Variants in GALC observed in about 807,000 individuals in gnomAD.
GALC encodes galactosylceramidase, also known as galactocerebrosidase.
In GALC, 77 loss-of-function variants were observed where a neutral mutation model predicts 91.8. The observed-to-expected ratio is 0.84, with a 90% confidence interval of 0.70 to 1.01. The LOEUF (loss-of-function observed/expected upper bound fraction) is 1.01, where lower values mean the gene tolerates loss of function less well. Among genes scored for constraint, GALC ranks in the 50% least tolerant of loss-of-function variants. The probability of loss-of-function intolerance (pLI) is 0.00; values close to 1 mark genes in which losing one functional copy is unlikely to be tolerated. For synonymous variants in GALC, 357 were observed against 306.7 expected (o/e 1.16, Z -1.71); for missense variants, 882 against 855.9 (o/e 1.03, Z -0.38).
intron 14 of GALC, among the ~76,000 whole-genome samples, chr14:87,941,915 C>T (rs553916263): frequency 6.6e-6 from 1 of 151,934 alleles, no homozygotes; most frequent in African/African-American, 2.4e-5. Flanking sequence ...TAAAAAGTTC[C>T]ACACAATTCT....
At position 87,934,306 on chromosome 14, in the gene GALC, G is replaced by A; in HGVS notation, c.*426C>T. On this transcript the variant is annotated 3_prime_UTR_variant, in exon 17 of 17. Transcript: ENST00000261304. Reference sequence around the variant, plus strand: ...CTTTCTATTATGGCAGCATCATCTTGTGATGAAGACACTGGCTCACTTGGA... The same window carrying A: ...CTTTCTATTATGGCAGCATCATCTTATGATGAAGACACTGGCTCACTTGGA... 7.8e-7 allele frequency: 1 copy of A among 1,286,962 alleles called. No homozygotes were observed. Among genetic ancestry groups the A allele is most frequent in the Non-Finnish European group, 9.9e-7 (1 of 1,011,354 alleles). The allele number at this position is 1,286,962 out of a possible 1,614,324, so 79.7% of individuals were successfully genotyped here.
chr14:87,941,216 G>C (rs973777568), intron 15 of GALC, among the ~76,000 whole-genome samples, 179 bp downstream of exon 15: 1 of 151,794 alleles, frequency 6.6e-6, no homozygotes. Context: ...CCCATCTCTA[G>C]GAATTAAATA....
intron 10 of GALC, among the ~76,000 whole-genome samples, chr14:87,956,986 G>A (rs1299709061): frequency 6.6e-6 from 1 of 151,736 alleles, no homozygotes; most frequent in African/African-American, 2.4e-5. Flanking sequence ...ATCTCGTTGT[G>A]GTTCTAATTT....
At chr14:87,953,440 T>C (rs1885392683) in intron 10 of GALC, 2 of 1,529,898 alleles carry the variant, frequency 1.3e-6, no homozygotes, top group Non-Finnish European at 1.8e-6. Flanking sequence ...TAGTCCTGTT[T>C]TTCCTAAAAC....
chr14:87,984,133 T>C (rs1197344612), intron 5 of GALC, among the ~76,000 whole-genome samples: 2 of 33,542 alleles, frequency 6.0e-5, no homozygotes, highest in African/African-American at 1.6e-4. Flanking sequence ...GTTGGGTTGA[T>C]ACAAAAAAAA....
In GALC at chr14:87,976,507, G is replaced by C. The variant is rs768623473; in HGVS notation, c.622-19C>G. The C allele has an allele frequency of 6.3e-7, 1 of 1,594,834 alleles. No individual in the cohort carries two copies. Among genetic ancestry groups the C allele is most frequent in the Non-Finnish European group, 8.6e-7 (1 of 1,162,844 alleles). ...TTAATATCTTTTGGAGTAAGAAACAGAACATATGAAAGGATACAAATGAAT... is the reference window on the plus strand; with the variant it reads ...TTAATATCTTTTGGAGTAAGAAACACAACATATGAAAGGATACAAATGAAT... On this transcript the variant is annotated intron_variant, in intron 6 of 16. Coordinates refer to ENST00000261304, the MANE Select transcript of GALC (RefSeq NM_000153.4).
chr14:87,982,447 A>T (rs1343270719), intron 5 of GALC, among the ~76,000 whole-genome samples: 1 of 152,140 alleles, frequency 6.6e-6, no homozygotes, highest in Non-Finnish European at 1.5e-5. Context: ...ATTTTTAAAA[A>T]CCTTAAAATA....
At chr14:87,953,769 T>TA (rs1229544883) in intron 10 of GALC, 6 of 1,604,362 alleles carry the variant, frequency 3.7e-6, no homozygotes, top group Admixed American at 1.7e-5. Context: ...TTAAGGGTAT[T>TA]AAAAAAAGTC....
At chr14:87,981,192 G>C (rs1886733016) in intron 6 of GALC, 1 of 152,256 alleles carries the variant, frequency 6.6e-6, no homozygotes, top group Non-Finnish European at 1.5e-5. Flanking sequence ...TATTCTAAGT[G>C]AAGCAACTCA....
chr14:87,954,442 G>GA lies in GALC; in HGVS notation c.1162-3695dup, dbSNP rs1885434016. The GA allele has an allele frequency of 4.4e-6, 7 of 1,590,666 alleles. No homozygotes were observed. In the Admixed American group the frequency reaches 1.2e-4, roughly 27 times the overall value. ...CAGCCTGGTACCCTCAACTGCAAAG[G>GA]AAAAAAGGTTATATTTGGGAATTTA... On this transcript the variant is annotated intron_variant, in intron 10 of 16. Transcript: ENST00000261304.
Position 87,988,202 on chromosome 14 carries a change from A to T in GALC, c.270T>A (p.Asn90Lys), listed in dbSNP as rs377554388. The T allele has an allele frequency of 3.7e-6, 6 of 1,613,534 alleles. No individual in the cohort carries two copies. Among genetic ancestry groups the T allele is most frequent in the Non-Finnish European group, 5.1e-6 (6 of 1,179,782 alleles). ...TTAAAATATGCAAAGAGGCACCAAA[A>T]TTCGGCTGTGAAAAGAAGTAACAGT... ...SQILDYLFKP[N>K]FGASLHILKV... Residue 90 changes from asparagine (N) to lysine (K), a missense_variant, in exon 3 of 17, where the codon AAT (asparagine) becomes AAA (lysine). By Grantham distance (94) the Asn-to-Lys change is moderately conservative. Coordinates refer to ENST00000261304, the MANE Select transcript of GALC (RefSeq NM_000153.4).
rs201422931 is a variant in GALC, at chr14:87,988,206, G to A, written c.266C>T (p.Pro89Leu). ...AATATGCAAAGAGGCACCAAAATTCGGCTGTGAAAAGAAGTAACAGTATTA... is the reference window on the plus strand; with the variant it reads ...AATATGCAAAGAGGCACCAAAATTCAGCTGTGAAAAGAAGTAACAGTATTA... The part of the protein sequence containing the change: ...RSQILDYLFK[P>L]NFGASLHILK... The change falls in exon 3 of 17, where the codon CCG becomes CTG. Residue 89 changes from proline (P) to leucine (L), a missense_variant and splice_region_variant. By Grantham distance (98) the Pro-to-Leu change is moderately conservative. Coordinates refer to ENST00000261304, the MANE Select transcript of GALC (RefSeq NM_000153.4). 270 of 1,613,048 alleles carry A rather than the reference G, an allele frequency of 1.7e-4. No homozygotes were observed. Among genetic ancestry groups the A allele is most frequent in the Admixed American group, 2.5e-4 (15 of 59,970 alleles).
At chr14:87,991,750 A>G (rs902583479) in intron 1 of GALC, among the ~76,000 whole-genome samples, 2 of 152,224 alleles carry the variant, frequency 1.3e-5, no homozygotes, top group Non-Finnish European at 2.9e-5. Context: ...GGAGTTTCCT[A>G]CTTTGAATTA....
chr14:87,943,905 A>T (rs422608), intron 14 of GALC, among the ~76,000 whole-genome samples: 74,563 of 151,594 alleles, frequency 0.49, 18,998 homozygotes, highest in African/African-American at 0.6. Context: ...TCAAGCCTAG[A>T]AGTGGAAAAC....
chr14:87,988,319 A>G, intron 2 of GALC, 112 bp from the exon 3 acceptor site: 1 of 1,270,276 alleles, frequency 7.9e-7, no homozygotes, highest in Non-Finnish European at 1.1e-6. Context: ...CAAAACTTCA[A>G]ATAGCAATTT....
At chr14:87,948,261 C>A (rs1253155020) in intron 12 of GALC, among the ~76,000 whole-genome samples, 1 of 151,926 alleles carries the variant, frequency 6.6e-6, no homozygotes, top group African/African-American at 2.4e-5. Context: ...TAAAAAAATT[C>A]ATAAAATATC....
At chr14:87,987,081 A>G (rs1001209808) in intron 3 of GALC, 99 of 450,242 alleles carry the variant, frequency 2.2e-4, no homozygotes, top group African/African-American at 1.3e-3. Context: ...AGTTTTGAGG[A>G]AAAAAAAAGG....
At chr14:87,939,849 T>C (rs1884759570) in intron 16 of GALC, 56 bp downstream of exon 16, 8 of 1,160,562 alleles carry the variant, frequency 6.9e-6, no homozygotes, top group Admixed American at 1.7e-5. Context: ...CAGAAAATTA[T>C]AGAAATGCAC....
intron 1 of GALC, among the ~76,000 whole-genome samples, chr14:87,990,465 T>C (rs183850797): frequency 7.9e-5 from 12 of 152,328 alleles, no homozygotes; most frequent in Admixed American, 7.2e-4. Context: ...AAGTTCTCAA[T>C]AAAGGCAAGT....
Sources: gnomAD v4.1 joint callset for allele counts (sites outside exome capture counted in the v4.1 genomes callset) on GRCh38, gnomAD v4.1.1 for gene constraint, MANE v1.5 for transcripts, NCBI Gene and HGNC (gene_info 2026-07-23, HGNC 2026-07-21) for gene names.